The following SLCO5A1 variants were observed in gnomAD, a reference collection of about 807,000 sequenced individuals.
The protein encoded by SLCO5A1 is organic anion transporter polypeptide-related protein 4.
A neutral mutation model predicts 65.1 loss-of-function variants in SLCO5A1; 39 were observed. The ratio of observed to expected loss-of-function variants is 0.60; its 90% CI spans 0.46 to 0.78. The LOEUF (loss-of-function observed/expected upper bound fraction) is 0.78, where lower values mean the gene tolerates loss of function less well. SLCO5A1 is among the 30% of genes least tolerant of loss of function. The pLI is 0.00. For synonymous variants in SLCO5A1, 438 were observed against 415.7 expected (o/e 1.05, Z -0.65); for missense variants, 1,029 against 1,069.4 (o/e 0.96, Z 0.53).
rs532649103 is a variant in SLCO5A1, at chr8:69,789,720, G to A, written c.908-27845C>T. 2.2e-4 allele frequency among the ~76,000 whole-genome samples: 33 copies of A among 152,166 alleles called. No homozygotes were observed. In the South Asian group the frequency reaches 6.8e-3, roughly 32 times the overall value. The stretch of plus-strand genomic sequence containing the variant: ...TCACCAAAAATTAACTATCTGAGAT[G>A]ATAGATATGTTAATATCCTTCACTA... On this transcript the variant is annotated intron_variant, in intron 2 of 9. Transcript: ENST00000260126.
Position 69,672,815 on chromosome 8 carries a change from C to A in SLCO5A1, c.*54G>T. 6.5e-7 allele frequency: 1 copy of A among 1,540,990 alleles called. No individual in the cohort carries two copies. The highest frequency in any genetic ancestry group is 1.2e-5 in the South Asian group (1 of 81,562). ...AAGAAAAGAAGGCACAGTTGTTTCTCAAGTCGCCATTTTCAATTCAACCAA... is the reference window on the plus strand; with the variant it reads ...AAGAAAAGAAGGCACAGTTGTTTCTAAAGTCGCCATTTTCAATTCAACCAA... On this transcript the variant is annotated 3_prime_UTR_variant, in exon 10 of 10. Transcript: ENST00000260126.
chr8:69,801,098 A>G (rs748432739), intron 2 of SLCO5A1, among the ~76,000 whole-genome samples: 4 of 152,170 alleles, frequency 2.6e-5, no homozygotes, highest in Non-Finnish European at 4.4e-5. Context: ...AGAGCTCCCA[A>G]CTGGCATCTT....
chr8:69,817,316 G>A (rs1820448972), intron 2 of SLCO5A1, among the ~76,000 whole-genome samples: 2 of 152,156 alleles, frequency 1.3e-5, no homozygotes, highest in South Asian at 4.1e-4. Flanking sequence ...TTGTGTGTCA[G>A]ACTTTCCTTC....
chr8:69,754,390 G>A (rs1817457852), intron 4 of SLCO5A1, among the ~76,000 whole-genome samples: 1 of 152,094 alleles, frequency 6.6e-6, no homozygotes, highest in Admixed American at 6.5e-5. Flanking sequence ...TTGTTCTTAG[G>A]CCATAGCGAC....
At chr8:69,723,826 G>A (rs931887925) in intron 5 of SLCO5A1, among the ~76,000 whole-genome samples, 1 of 148,658 alleles carries the variant, frequency 6.7e-6, no homozygotes, top group Non-Finnish European at 1.5e-5. Context: ...AGGACAGGGT[G>A]CAATGGCGCA....
At chr8:69,710,685 G>A (rs1815200240) in intron 5 of SLCO5A1, among the ~76,000 whole-genome samples, 1 of 152,140 alleles carries the variant, frequency 6.6e-6, no homozygotes, top group African/African-American at 2.4e-5. Flanking sequence ...TCTCCGTGCT[G>A]GTAGCTGAGT....
intron 9 of SLCO5A1, among the ~76,000 whole-genome samples, chr8:69,675,280 T>C (rs954596119): frequency 2.0e-5 from 3 of 151,390 alleles, no homozygotes; most frequent in African/African-American, 4.9e-5. Flanking sequence ...GTTCAAGCAA[T>C]TCCCCTGCCT....
chr8:69,670,711 GCTCT>G lies in SLCO5A1; in HGVS notation c.*2154_*2157del, dbSNP rs1813307336. ...TCATGGCAGCAAAGGGAGTAAGGGGGCTCTCTAACTACTCCGTGCTGAGTCCAGC... is the reference window on the plus strand; with the variant it reads ...TCATGGCAGCAAAGGGAGTAAGGGGGCTAACTACTCCGTGCTGAGTCCAGC... On this transcript the variant is annotated 3_prime_UTR_variant, in exon 10 of 10. Transcript: ENST00000260126. 6.6e-6 allele frequency: 1 copy of G among 152,146 alleles called. No homozygotes were observed. The highest frequency in any genetic ancestry group is 6.5e-5 in the Admixed American group (1 of 15,278). 9.4% of individuals were successfully genotyped at this position (152,146 alleles called of 1,614,324 possible). A position where few individuals can be genotyped will look rare whatever the true frequency, so the allele number is the denominator to read the frequency against.
intron 7 of SLCO5A1, 56 bp downstream of exon 7, chr8:69,682,128 C>T: frequency 6.4e-7 from 1 of 1,552,332 alleles, no homozygotes; most frequent in Non-Finnish European, 8.7e-7. Flanking sequence ...AATTTCATCA[C>T]ATCCTTGTCA....
In SLCO5A1 at chr8:69,670,427, C is replaced by T. The variant is rs1337000672; in HGVS notation, c.*2442G>A. 6.6e-6 allele frequency: 1 copy of T among 152,160 alleles called. No homozygotes were observed. The highest frequency in any genetic ancestry group is 2.4e-5 in the African/African-American group (1 of 41,452). 9.4% of individuals were successfully genotyped at this position (152,160 alleles called of 1,614,324 possible). ...GAACCACTCTTAATTGGTACATATT[C>T]CAAAGCTTTATTTTCTCATGATTTT... On this transcript the variant is annotated 3_prime_UTR_variant, in exon 10 of 10. Coordinates refer to ENST00000260126, the MANE Select transcript of SLCO5A1 (RefSeq NM_030958.3).
intron 2 of SLCO5A1, among the ~76,000 whole-genome samples, chr8:69,800,726 C>CA (rs1404904099): frequency 2.8e-4 from 42 of 152,260 alleles, no homozygotes; most frequent in African/African-American, 1.0e-3. Context: ...ATTCATAATC[C>CA]ATTCAAGAGT....
chr8:69,733,507 A>G (rs980929484), intron 5 of SLCO5A1, among the ~76,000 whole-genome samples: 1 of 152,204 alleles, frequency 6.6e-6, no homozygotes, highest in East Asian at 1.9e-4. Context: ...ACCCTGTATA[A>G]CTGCTCCTTC....
At chr8:69,757,458 C>T (rs1344686335) in intron 3 of SLCO5A1, among the ~76,000 whole-genome samples, 1 of 152,054 alleles carries the variant, frequency 6.6e-6, no homozygotes, top group Non-Finnish European at 1.5e-5. Context: ...ATGGGTGGAT[C>T]ACCTGAGGTC....
chr8:69,753,532 C>G (rs1397574405), intron 4 of SLCO5A1, among the ~76,000 whole-genome samples: 2 of 152,196 alleles, frequency 1.3e-5, no homozygotes, highest in Non-Finnish European at 2.9e-5. Flanking sequence ...GAACTTCATT[C>G]TCAGCAACAG....
intron 2 of SLCO5A1, among the ~76,000 whole-genome samples, chr8:69,824,030 G>C (rs975688634): frequency 6.6e-6 from 1 of 152,016 alleles, no homozygotes; most frequent in Non-Finnish European, 1.5e-5. Flanking sequence ...ATGACTACTG[G>C]GTACATAACT....
rs1563383789 is a variant in SLCO5A1, at chr8:69,832,622, G to A, written c.52C>T (p.Pro18Ser). 3 of 1,610,070 alleles carry A rather than the reference G, an allele frequency of 1.9e-6. No individual in the cohort carries two copies. The highest frequency in any genetic ancestry group is 2.2e-5 in the South Asian group (2 of 91,054). ...TCTTGGACAGCTTCTGCAGTGGCCG[G>A]CGCCTCCAGCTGCTCTCCCGCCCCG... Reference protein sequence around the residue: ...QPGAGEQLEAPATAEAVQERC... With the variant: ...QPGAGEQLEASATAEAVQERC... The change falls in exon 2 of 10, where the codon CCG becomes TCG. Residue 18 changes from proline (P) to serine (S), a missense_variant. Physicochemically the swap from Pro to Ser is moderately conservative, Grantham distance 74. Coordinates refer to ENST00000260126, the MANE Select transcript of SLCO5A1 (RefSeq NM_030958.3). The surrounding 1 kb of genome is among the most constrained non-coding windows in gnomAD (Gnocchi z 4.5).
chr8:69,748,808 G>A lies in SLCO5A1; in HGVS notation c.1258+6616C>T, dbSNP rs147756991. Among the ~76,000 whole-genome samples, 18 of 152,242 alleles carry A rather than the reference G, an allele frequency of 1.2e-4. No homozygotes were observed. The East Asian group carries it at 2.7e-3, about 23-fold the overall frequency. ...GTTAAAAAATGCTCATTCTCAGGCCGCACTCCAGACCTACTGAATCGGAGA... is the reference window on the plus strand; with the variant it reads ...GTTAAAAAATGCTCATTCTCAGGCCACACTCCAGACCTACTGAATCGGAGA... On this transcript the variant is annotated intron_variant, in intron 4 of 9. Transcript: ENST00000260126.
chr8:69,776,070 A>T (rs1347827013), intron 2 of SLCO5A1, among the ~76,000 whole-genome samples: 1 of 152,148 alleles, frequency 6.6e-6, no homozygotes, highest in East Asian at 1.9e-4. Context: ...CTAATTTAAT[A>T]AACTCACAAA....
chr8:69,761,629 C>A, intron 3 of SLCO5A1, 114 bp downstream of exon 3: 2 of 1,134,926 alleles, frequency 1.8e-6, no homozygotes, highest in South Asian at 1.5e-5. Flanking sequence ...CCTTCCCAGG[C>A]ACCTTTCAGC....
Sources: gnomAD v4.1 joint callset for allele counts (sites outside exome capture counted in the v4.1 genomes callset) on GRCh38, gnomAD v4.1.1 for gene constraint, Gnocchi (gnomAD v3.1) non-coding constraint, MANE v1.5 for transcripts, NCBI Gene and HGNC (gene_info 2026-07-23, HGNC 2026-07-21) for gene names.